Variants in MTUS2 observed in about 807,000 individuals in gnomAD.
The protein encoded by MTUS2 is microtubule associated scaffold protein 2.
A neutral mutation model predicts 114.1 loss-of-function variants in MTUS2; 40 were observed. The observed-to-expected ratio is 0.35, with a 90% CI of 0.27 to 0.46. The LOEUF (loss-of-function observed/expected upper bound fraction) is 0.46. Ranked by LOEUF, MTUS2 falls within the 20% of genes least tolerant of loss-of-function variation. MTUS2 has a pLI of 1.00. For synonymous variants in MTUS2, 688 were observed against 672.0 expected, an observed-to-expected ratio of 1.02 and a Z score of -0.37; for missense variants, 1,679 against 1,705.4, an observed-to-expected ratio of 0.98 and a Z score of 0.27.
At position 29,052,025 on chromosome 13, in the gene MTUS2, G is replaced by C. The variant is rs75836033; in HGVS notation, c.2446+17900G>C. On this transcript the variant is annotated intron_variant, in intron 4 of 15. Transcript: ENST00000612955. ...TGAAAATCACTTCTCTACTGACCTTGGCCCAAATAGACACAGCACTGTCAG... is the reference window on the plus strand; with the variant it reads ...TGAAAATCACTTCTCTACTGACCTTCGCCCAAATAGACACAGCACTGTCAG... Among the ~76,000 whole-genome samples, 690 of 152,254 alleles carry C rather than the reference G, an allele frequency of 4.5e-3. 4 individuals carry two copies. Among genetic ancestry groups the C allele is most frequent in the Admixed American group, 7.3e-3 (111 of 15,300 alleles).
intron 4 of MTUS2, among the ~76,000 whole-genome samples, chr13:29,098,434 T>C (rs1358333886): frequency 3.7e-5 from 5 of 134,398 alleles, no homozygotes; most frequent in Non-Finnish European, 7.9e-5. Context: ...GGTATACTTT[T>C]GCAAGTCATC....
chr13:29,169,561 C>A (rs1161352192), intron 5 of MTUS2, among the ~76,000 whole-genome samples: 5 of 152,006 alleles, frequency 3.3e-5, no homozygotes, highest in Non-Finnish European at 7.4e-5. Flanking sequence ...TCTTCTGGGG[C>A]TGGGTAAACA....
intron 2 of MTUS2, among the ~76,000 whole-genome samples, chr13:28,935,054 C>G (rs2138105874): frequency 9.5e-6 from 1 of 105,442 alleles, no homozygotes; most frequent in Admixed American, 1.4e-4. Context: ...CTTGTTTGTG[C>G]AGATGTAATC....
intron 6 of MTUS2, among the ~76,000 whole-genome samples, chr13:29,318,610 AAT>A (rs1420656623): frequency 6.6e-6 from 1 of 152,046 alleles, no homozygotes; most frequent in Admixed American, 6.5e-5. Flanking sequence ...GCTCCTTTGC[AAT>A]TGGTCTTTGT....
intron 2 of MTUS2, among the ~76,000 whole-genome samples, chr13:28,985,637 C>G (rs1884551687): frequency 6.6e-6 from 1 of 151,252 alleles, no homozygotes; most frequent in South Asian, 2.1e-4. Flanking sequence ...TAAGTCACTT[C>G]ACCTCTGTGA....
intron 4 of MTUS2, among the ~76,000 whole-genome samples, chr13:29,066,947 C>CAAAG (rs1475482349): frequency 6.6e-6 from 1 of 152,030 alleles, no homozygotes; most frequent in Admixed American, 6.6e-5. Flanking sequence ...TGAGCATGGG[C>CAAAG]AAAGGTAGAA....
chr13:29,215,632 C>T (rs1399199234), intron 5 of MTUS2, among the ~76,000 whole-genome samples: 3 of 152,080 alleles, frequency 2.0e-5, no homozygotes, highest in Non-Finnish European at 4.4e-5. Context: ...CAGTCAGGCC[C>T]CTCTATTGCT....
At chr13:29,099,265 C>T (rs1431465564) in intron 4 of MTUS2, among the ~76,000 whole-genome samples, 1 of 152,178 alleles carries the variant, frequency 6.6e-6, no homozygotes, top group African/African-American at 2.4e-5. Context: ...TTTTCCCAAG[C>T]ACTAGGACAG....
At chr13:29,415,367 C>T (rs1875592061) in intron 8 of MTUS2, among the ~76,000 whole-genome samples, 1 of 152,156 alleles carries the variant, frequency 6.6e-6, no homozygotes, top group South Asian at 2.1e-4. Context: ...AAAACTCCTT[C>T]ATAAAGTTGG....
intron 8 of MTUS2, among the ~76,000 whole-genome samples, chr13:29,412,971 C>T (rs955896366): frequency 1.1e-4 from 16 of 152,152 alleles, no homozygotes; most frequent in African/African-American, 3.6e-4. Context: ...ATCTTAAAAG[C>T]CAGCAACGGT....
intron 2 of MTUS2, among the ~76,000 whole-genome samples, chr13:28,930,200 A>G (rs553649404): frequency 1.3e-5 from 2 of 152,346 alleles, no homozygotes; most frequent in South Asian, 4.1e-4. Context: ...AATCAAAATT[A>G]TCTTTTAAAT....
At chr13:28,862,383 G>T (rs1434657085) in intron 2 of MTUS2, among the ~76,000 whole-genome samples, 1 of 152,190 alleles carries the variant, frequency 6.6e-6, no homozygotes, top group Non-Finnish European at 1.5e-5. Flanking sequence ...GGCCGAGGCG[G>T]GTGCATCACC....
intron 4 of MTUS2, among the ~76,000 whole-genome samples, chr13:29,060,543 CTTTTTTTTTTTT>C (rs1162860492): frequency 9.9e-6 from 1 of 101,210 alleles, no homozygotes; most frequent in African/African-American, 3.7e-5. Flanking sequence ...CCTAGCCCTT[CTTTTTTTTTTTT>C]TTTTTTTTTT....
chr13:29,151,312 G>C (rs1216935479), intron 5 of MTUS2, among the ~76,000 whole-genome samples: 1 of 152,048 alleles, frequency 6.6e-6, no homozygotes, highest in East Asian at 1.9e-4. Context: ...TTGTAAGTGG[G>C]ATTGTATTAT....
intron 5 of MTUS2, among the ~76,000 whole-genome samples, chr13:29,271,208 T>C (rs1173995493): frequency 6.6e-6 from 1 of 152,174 alleles, no homozygotes; most frequent in Non-Finnish European, 1.5e-5. Context: ...GCATCCACCA[T>C]TGGCAACTTC....
chr13:29,495,373 A>AAAT (rs1882482834), intron 12 of MTUS2, among the ~76,000 whole-genome samples: 2 of 147,714 alleles, frequency 1.4e-5, no homozygotes, highest in Non-Finnish European at 1.5e-5. Flanking sequence ...AAAAAAAAAA[A>AAAT]AAAAAAAGGA....
At chr13:29,187,264 A>G (rs1044663361) in intron 5 of MTUS2, among the ~76,000 whole-genome samples, 2 of 152,114 alleles carry the variant, frequency 1.3e-5, no homozygotes, top group Non-Finnish European at 2.9e-5. Flanking sequence ...AGAGAAAGTA[A>G]ATGAAATAGA....
At chr13:29,079,312 C>T (rs1889337703) in intron 4 of MTUS2, among the ~76,000 whole-genome samples, 1 of 151,988 alleles carries the variant, frequency 6.6e-6, no homozygotes, top group African/African-American at 2.4e-5. Context: ...GGTATTTATA[C>T]ATGTTGGATA....
chr13:29,080,818 T>C (rs566404617), intron 4 of MTUS2, among the ~76,000 whole-genome samples: 91 of 152,270 alleles, frequency 6.0e-4, no homozygotes, highest in African/African-American at 2.1e-3. Context: ...CTCTGCCTCC[T>C]GGGTTCAAGT....
Sources: gnomAD v4.1 joint callset for allele counts (sites outside exome capture counted in the v4.1 genomes callset) on GRCh38, gnomAD v4.1.1 for gene constraint, MANE v1.5 for transcripts, NCBI Gene and HGNC (gene_info 2026-07-23, HGNC 2026-07-21) for gene names.